ANO4: variants seen among roughly 807,000 people sequenced by gnomAD.
The protein encoded by ANO4 is anoctamin-4.
In ANO4, 69 loss-of-function variants were observed where a neutral mutation model predicts 141.9. The observed-to-expected ratio is 0.49, with a 90% CI of 0.40 to 0.59. The LOEUF (loss-of-function observed/expected upper bound fraction) is 0.59. Among genes scored for constraint, ANO4 ranks in the 20% least tolerant of loss-of-function variants. ANO4 has a pLI of 0.00. For synonymous variants in ANO4, 350 were observed against 394.3 expected (o/e 0.89, Z 1.33); for missense variants, 894 against 1,162.2 (o/e 0.77, Z 3.36).
intron 10 of ANO4, chr12:101,038,930 T>C (rs1357765408): frequency 6.6e-6 from 1 of 151,614 alleles, no homozygotes; most frequent in Admixed American, 6.6e-5. Context: ...AATAAATAAA[T>C]AAATAAGAAA....
intron 18 of ANO4, among the ~76,000 whole-genome samples, chr12:101,095,168 C>A (rs1411766728): frequency 1.3e-5 from 2 of 152,176 alleles, no homozygotes; most frequent in African/African-American, 2.4e-5. Context: ...TTTTATTCAT[C>A]ATTCTGACAA....
intron 1 of ANO4, among the ~76,000 whole-genome samples, chr12:100,874,689 T>C (rs765417361): frequency 3.5e-4 from 53 of 151,944 alleles, no homozygotes; most frequent in Admixed American, 7.2e-4. Context: ...CTGGCTAATT[T>C]TCATATTTTT....
intron 1 of ANO4, among the ~76,000 whole-genome samples, chr12:100,816,723 A>G (rs1020415860): frequency 2.0e-5 from 3 of 151,972 alleles, no homozygotes; most frequent in Non-Finnish European, 4.4e-5. Context: ...ATTCTAGCAC[A>G]TTGTACTGTG....
chr12:100,884,665 C>G (rs77045072), intron 1 of ANO4, among the ~76,000 whole-genome samples: 7,829 of 152,204 alleles, frequency 0.051, 287 homozygotes, highest in South Asian at 0.11. Flanking sequence ...TTCCTTCTGT[C>G]TTTCTGGAGA....
At chr12:100,831,471 G>A (rs542470509) in intron 1 of ANO4, among the ~76,000 whole-genome samples, 24 of 152,062 alleles carry the variant, frequency 1.6e-4, no homozygotes, top group African/African-American at 5.8e-4. Flanking sequence ...AACAAGTCCC[G>A]TGTAGGGTCT....
At chr12:100,841,720 C>A (rs1259646738) in intron 1 of ANO4, among the ~76,000 whole-genome samples, 2 of 152,268 alleles carry the variant, frequency 1.3e-5, no homozygotes, top group East Asian at 3.9e-4. Flanking sequence ...AGTTTAAAAT[C>A]ATTGTTTGAT....
chr12:101,057,634 A>G (rs1208464189), intron 14 of ANO4, among the ~76,000 whole-genome samples: 2 of 151,906 alleles, frequency 1.3e-5, no homozygotes, highest in East Asian at 1.9e-4. Context: ...GCTTTTTTTC[A>G]TATGTTTGTT....
intron 3 of ANO4, among the ~76,000 whole-genome samples, chr12:100,936,558 G>A (rs1177890233): frequency 1.3e-5 from 2 of 152,244 alleles, no homozygotes; most frequent in Non-Finnish European, 1.5e-5. Context: ...CTTGGGAAAA[G>A]CCTAAGGGGA....
At chr12:100,909,159 C>A (rs75393386) in intron 2 of ANO4, among the ~76,000 whole-genome samples, 1 of 152,130 alleles carries the variant, frequency 6.6e-6, no homozygotes, top group South Asian at 2.1e-4. Flanking sequence ...GAAAAGGAAT[C>A]GAGAAATCAA....
At chr12:100,813,182 A>G (rs1200958603) in intron 1 of ANO4, among the ~76,000 whole-genome samples, 3 of 152,132 alleles carry the variant, frequency 2.0e-5, no homozygotes, top group Non-Finnish European at 4.4e-5. Context: ...TAGCAAAGAC[A>G]TTTACCTGAA....
intron 2 of ANO4, 58 bp downstream of exon 2, chr12:100,901,898 G>T (rs2040610308): frequency 7.0e-7 from 1 of 1,428,102 alleles, no homozygotes. Flanking sequence ...ACCACAGTCT[G>T]CATTATATTT....
chr12:100,940,898 A>G (rs966275490), intron 4 of ANO4, among the ~76,000 whole-genome samples: 3 of 152,010 alleles, frequency 2.0e-5, no homozygotes, highest in Non-Finnish European at 4.4e-5. Flanking sequence ...AATTCAATCC[A>G]CTCCTTTTGT....
At chr12:100,979,782 C>T (rs535698265) in intron 7 of ANO4, among the ~76,000 whole-genome samples, 6 of 151,776 alleles carry the variant, frequency 4.0e-5, no homozygotes, top group African/African-American at 1.4e-4. Flanking sequence ...GGCTGGAGTG[C>T]AGAGGCACGA....
At chr12:100,753,508 C>A (rs774563659) in intron 3 of ANO4, among the ~76,000 whole-genome samples, 1 of 152,142 alleles carries the variant, frequency 6.6e-6, no homozygotes, top group Non-Finnish European at 1.5e-5. Context: ...CCTGAAGTTG[C>A]CTATAAAGGC....
chr12:100,962,424 C>T (rs1033310074), intron 5 of ANO4, among the ~76,000 whole-genome samples: 6 of 152,076 alleles, frequency 3.9e-5, no homozygotes, highest in East Asian at 1.9e-4. Flanking sequence ...TTTTATATCG[C>T]GGCTGAAGAG....
chr12:100,850,063 C>A (rs1412929213), intron 1 of ANO4, among the ~76,000 whole-genome samples: 1 of 152,150 alleles, frequency 6.6e-6, no homozygotes, highest in Non-Finnish European at 1.5e-5. Flanking sequence ...CCTGAAGCAA[C>A]CATTGAGGCT....
rs1001182379 is a variant in ANO4 at position 100,850,751 on chromosome 12, A to G, written c.-140-50895A>G. 2.6e-5 allele frequency among the ~76,000 whole-genome samples: 4 copies of G among 152,268 alleles called. No individual in the cohort carries two copies. In the South Asian group the frequency reaches 8.3e-4, roughly 32 times the overall value. On this transcript the variant is annotated intron_variant, in intron 1 of 27. Transcript: ENST00000392977. ...AAGAAAATGTTTCTACCTTTATCAT[A>G]TGAATGCAGAAATTATTGATATTTG...
intron 7 of ANO4, among the ~76,000 whole-genome samples, chr12:100,982,568 G>A (rs903092564): frequency 1.1e-4 from 16 of 152,110 alleles, no homozygotes; most frequent in African/African-American, 3.4e-4. Flanking sequence ...AATTTTCTTC[G>A]TCCTAGAAAC....
At chr12:100,781,321 C>A (rs143497072) in intron 3 of ANO4, among the ~76,000 whole-genome samples, 1 of 152,172 alleles carries the variant, frequency 6.6e-6, no homozygotes, top group Non-Finnish European at 1.5e-5. Flanking sequence ...GGAGCATTTC[C>A]ACTATCAACC....
Sources: allele counts gnomAD v4.1 joint callset (sites outside exome capture counted in the v4.1 genomes callset), GRCh38; gene constraint gnomAD v4.1.1; transcripts MANE v1.5; gene names NCBI Gene and HGNC (gene_info 2026-07-23, HGNC 2026-07-21).